The following ASIC2 variants were observed in gnomAD, a reference collection of about 807,000 sequenced individuals.
ASIC2 encodes the protein acid-sensing ion channel 2.
Under a neutral mutation model 57.3 loss-of-function variants are expected in ASIC2, and 25 were observed. The ratio of observed to expected loss-of-function variants is 0.44; its 90% CI spans 0.32 to 0.61. The LOEUF (loss-of-function observed/expected upper bound fraction) is 0.61. ASIC2 is among the 20% of genes least tolerant of loss of function. ASIC2 has a pLI of 0.06. For synonymous variants in ASIC2, 319 were observed against 307.5 expected (o/e 1.04, Z -0.39); for missense variants, 641 against 738.1 (o/e 0.87, Z 1.52).
At chr17:33,746,055 C>G (rs1183233564) in intron 1 of ASIC2, among the ~76,000 whole-genome samples, 1 of 151,618 alleles carries the variant, frequency 6.6e-6, no homozygotes, top group Non-Finnish European at 1.5e-5. Context: ...GGAGCAAAAT[C>G]ATATTGGAGT....
rs1030421140 is a variant in ASIC2 at position 34,131,662 on chromosome 17, T to G, written c.555+24316A>C. ...GAGCCTAAACCCTGTCCACAAATGC[T>G]CTAGAGATATTTCACACTCTACCAC... On this transcript the variant is annotated intron_variant, in intron 1 of 9. Transcript: ENST00000359872. Among the ~76,000 whole-genome samples, 5 of 152,164 alleles carry G rather than the reference T, an allele frequency of 3.3e-5. 1 individual carries two copies. Among genetic ancestry groups the G allele is most frequent in the Non-Finnish European group, 7.3e-5 (5 of 68,040 alleles).
intron 1 of ASIC2, among the ~76,000 whole-genome samples, chr17:33,377,116 T>A (rs1392041605): frequency 1.3e-5 from 2 of 152,186 alleles, no homozygotes; most frequent in African/African-American, 4.8e-5. Context: ...AGTGGCTTGA[T>A]GTCTGCTCAC....
chr17:34,027,922 T>C (rs1907439186), intron 1 of ASIC2, among the ~76,000 whole-genome samples: 1 of 152,220 alleles, frequency 6.6e-6, no homozygotes, highest in South Asian at 2.1e-4. Context: ...GTCAGATCTT[T>C]ACCTATGAAG....
At chr17:33,733,101 ACTTT>A (rs1371360437) in intron 1 of ASIC2, among the ~76,000 whole-genome samples, 1 of 151,858 alleles carries the variant, frequency 6.6e-6, no homozygotes, top group African/African-American at 2.4e-5. Flanking sequence ...TTTTAAAAAA[ACTTT>A]AATTTGTTTA....
In ASIC2 at chr17:33,729,480, G is replaced by A. The variant is rs76505830; in HGVS notation, c.555+426498C>T. 2.7e-3 allele frequency among the ~76,000 whole-genome samples: 416 copies of A among 152,230 alleles called. 1 individual carries two copies. Among genetic ancestry groups the A allele is most frequent in the African/African-American group, 9.5e-3 (393 of 41,546 alleles). ...AATACCCAAACTATATCATTACCCC[G>A]TGTTGGATTGTTAGGTTAGTATACT... On this transcript the variant is annotated intron_variant, in intron 1 of 9. Coordinates refer to the ASIC2 transcript ENST00000359872.
At chr17:33,148,004 A>G (rs148784912) in intron 1 of ASIC2, among the ~76,000 whole-genome samples, 1,578 of 152,346 alleles carry the variant, frequency 0.01, 26 homozygotes, top group African/African-American at 0.036. Flanking sequence ...GAACAGATGC[A>G]GGAAGTGAGG....
intron 3 of ASIC2, among the ~76,000 whole-genome samples, chr17:33,078,325 G>C (rs543284459): frequency 6.6e-6 from 1 of 152,176 alleles, no homozygotes; most frequent in African/African-American, 2.4e-5. Flanking sequence ...CCAGGCTGGG[G>C]CTGCCATGTC....
chr17:33,292,292 C>T lies in ASIC2; in HGVS notation c.-177G>A, dbSNP rs904961844. 5 of 987,866 alleles carry T rather than the reference C, an allele frequency of 5.1e-6. No homozygotes were observed. Among genetic ancestry groups the T allele is most frequent in the Non-Finnish European group, 6.0e-6 (5 of 832,644 alleles). 61.2% of individuals were successfully genotyped at this position (987,866 alleles called of 1,614,324 possible). A position where few individuals can be genotyped will look rare whatever the true frequency, so the allele number is the denominator to read the frequency against. On this transcript the variant is annotated 5_prime_UTR_variant, in exon 1 of 10. Coordinates refer to ENST00000225823, the MANE Select transcript of ASIC2 (RefSeq NM_183377.2). ...GCATGCCCGCCCGGCGCCGCCGCTG[C>T]CGCCTCCGCGGGCGCCCGCCCGGGG...
At chr17:33,330,558 A>T (rs1015834497) in intron 1 of ASIC2, among the ~76,000 whole-genome samples, 4 of 152,202 alleles carry the variant, frequency 2.6e-5, no homozygotes, top group African/African-American at 9.7e-5. Context: ...CAATCACATT[A>T]TTGGACCAGA....
chr17:33,727,393 T>A (rs1181369435), intron 1 of ASIC2, among the ~76,000 whole-genome samples: 5 of 152,192 alleles, frequency 3.3e-5, no homozygotes, highest in Admixed American at 2.6e-4. Context: ...ATGGTCCGAT[T>A]TTTTTAAAGT....
rs147624551 is a variant in ASIC2, at chr17:33,627,971, A to C, written c.556-515904T>G. Among the ~76,000 whole-genome samples, 574 of 152,186 alleles carry C rather than the reference A, an allele frequency of 3.8e-3. 5 individuals are homozygous for C. The highest frequency in any genetic ancestry group is 8.5e-3 in the Admixed American group (130 of 15,282). The stretch of plus-strand genomic sequence containing the variant: ...CGTGAACCTGGGAGGCGGAGCTTGC[A>C]GTGAGCTGAGATTGTGCCACTGCAC... On this transcript the variant is annotated intron_variant, in intron 1 of 9. Transcript: ENST00000359872.
At chr17:33,610,308 C>G in intron 1 of ASIC2, among the ~76,000 whole-genome samples, 1 of 152,116 alleles carries the variant, frequency 6.6e-6, no homozygotes, top group East Asian at 1.9e-4. Flanking sequence ...CAGGTGCATG[C>G]CACCATGCCT....
chr17:33,636,119 T>C (rs1906354949), intron 1 of ASIC2, among the ~76,000 whole-genome samples: 1 of 152,244 alleles, frequency 6.6e-6, no homozygotes, highest in African/African-American at 2.4e-5. Flanking sequence ...GATGTGTATA[T>C]GTGTGAATAT....
At chr17:34,014,728 C>A (rs1166945594) in intron 1 of ASIC2, among the ~76,000 whole-genome samples, 1 of 152,164 alleles carries the variant, frequency 6.6e-6, no homozygotes, top group African/African-American at 2.4e-5. Context: ...CCTCTGCTTC[C>A]TTATCTCTGA....
intron 1 of ASIC2, among the ~76,000 whole-genome samples, chr17:33,579,355 G>A (rs948442221): frequency 2.0e-5 from 3 of 151,384 alleles, no homozygotes; most frequent in Non-Finnish European, 4.4e-5. Flanking sequence ...AACACGATGT[G>A]GCTTGGTATG....
intron 1 of ASIC2, among the ~76,000 whole-genome samples, chr17:33,202,615 C>T (rs553436118): frequency 6.6e-6 from 1 of 152,302 alleles, no homozygotes; most frequent in Non-Finnish European, 1.5e-5. Context: ...GCAAAGTATG[C>T]ACCCAGAAGC....
chr17:33,902,767 C>T (rs1396763227), intron 1 of ASIC2, among the ~76,000 whole-genome samples: 2 of 152,122 alleles, frequency 1.3e-5, no homozygotes, highest in Non-Finnish European at 2.9e-5. Context: ...TAGGGTGGAA[C>T]CCCTAATTCT....
At chr17:33,713,820 C>T (rs1168967602) in intron 1 of ASIC2, among the ~76,000 whole-genome samples, 1 of 152,144 alleles carries the variant, frequency 6.6e-6, no homozygotes, top group African/African-American at 2.4e-5. Context: ...TCCTGTAATC[C>T]CCTGGGATCT....
At chr17:34,035,929 T>C (rs1907857043) in intron 1 of ASIC2, among the ~76,000 whole-genome samples, 1 of 151,782 alleles carries the variant, frequency 6.6e-6, no homozygotes, top group Admixed American at 6.6e-5. Flanking sequence ...TTTTACACTG[T>C]TGGTGGGACT....
Sources: allele counts gnomAD v4.1 joint callset (sites outside exome capture counted in the v4.1 genomes callset), GRCh38; gene constraint gnomAD v4.1.1; transcripts MANE v1.5; gene names NCBI Gene and HGNC (gene_info 2026-07-23, HGNC 2026-07-21).